Variants in THSD7B observed in about 807,000 individuals in gnomAD.
THSD7B encodes thrombospondin type 1 domain containing 7B, also known as thrombospondin type-1 domain-containing protein 7B.
In THSD7B, 138 loss-of-function variants were observed where a neutral mutation model predicts 213.6. The ratio of observed to expected loss-of-function variants is 0.65; its 90% CI spans 0.56 to 0.74. THSD7B has a LOEUF of 0.74. THSD7B is among the 30% of genes least tolerant of loss of function. The pLI is 0.00. For missense variants in THSD7B, 1,931 were observed against 1,991.5 expected (o/e 0.97, Z 0.58); for synonymous variants, 742 against 687.0 (o/e 1.08, Z -1.25).
chr2:137,213,513 T>C (rs1373986759), intron 7 of THSD7B, among the ~76,000 whole-genome samples: 1 of 148,966 alleles, frequency 6.7e-6, no homozygotes, highest in Non-Finnish European at 1.5e-5. Context: ...GCTATATATA[T>C]TCTATATAAT....
At chr2:137,199,559 A>T (rs951609640) in intron 7 of THSD7B, among the ~76,000 whole-genome samples, 2 of 152,186 alleles carry the variant, frequency 1.3e-5, no homozygotes, top group Admixed American at 1.3e-4. Flanking sequence ...TAAGGATCAG[A>T]TCTACTTGGT....
chr2:137,353,652 T>G (rs1438613855), intron 12 of THSD7B, among the ~76,000 whole-genome samples: 4 of 152,148 alleles, frequency 2.6e-5, no homozygotes, highest in Admixed American at 2.6e-4. Context: ...TGTTTTGCAG[T>G]GAGAATTCAC....
At chr2:137,588,443 T>A (rs576826636) in intron 17 of THSD7B, among the ~76,000 whole-genome samples, 2 of 151,934 alleles carry the variant, frequency 1.3e-5, no homozygotes, top group South Asian at 2.1e-4. Flanking sequence ...GGCTATTTGA[T>A]GTTTTAAAAT....
intron 12 of THSD7B, among the ~76,000 whole-genome samples, chr2:137,363,657 C>T (rs777744143): frequency 3.9e-5 from 6 of 152,118 alleles, no homozygotes; most frequent in Non-Finnish European, 8.8e-5. Flanking sequence ...ATAAATTCCT[C>T]AACACATACA....
intron 7 of THSD7B, among the ~76,000 whole-genome samples, chr2:137,209,576 A>C (rs1681056561): frequency 6.6e-6 from 1 of 152,064 alleles, no homozygotes; most frequent in African/African-American, 2.4e-5. Flanking sequence ...TCATTTGTTT[A>C]ACATTGAAAT....
intron 15 of THSD7B, among the ~76,000 whole-genome samples, chr2:137,530,272 T>C (rs555929998): frequency 6.6e-6 from 1 of 152,152 alleles, no homozygotes; most frequent in Non-Finnish European, 1.5e-5. Context: ...ATGAAACATA[T>C]GTTTCTTTTA....
chr2:137,554,918 G>A (rs918736971), intron 15 of THSD7B, among the ~76,000 whole-genome samples: 1 of 152,192 alleles, frequency 6.6e-6, no homozygotes, highest in Middle Eastern at 3.2e-3. Context: ...AGGCTCGGAG[G>A]GTCCCATGCT....
chr2:137,304,728 A>G lies in THSD7B; in HGVS notation c.2500+28702A>G, dbSNP rs189202657. Among the ~76,000 whole-genome samples, 325 of 152,122 alleles carry G rather than the reference A, an allele frequency of 2.1e-3. 3 individuals carry two copies. The highest frequency in any genetic ancestry group is 7.4e-3 in the African/African-American group (308 of 41,544). ...GCCTAGCTTGTTTCATCTAGGAGCCATGGCTCTCTTTAGGAATTTTTTCTT... is the reference window on the plus strand; with the variant it reads ...GCCTAGCTTGTTTCATCTAGGAGCCGTGGCTCTCTTTAGGAATTTTTTCTT... On this transcript the variant is annotated intron_variant, in intron 12 of 27. Transcript: ENST00000409968.
chr2:137,357,845 G>A (rs1009968919), intron 12 of THSD7B, among the ~76,000 whole-genome samples: 3 of 152,148 alleles, frequency 2.0e-5, no homozygotes, highest in Admixed American at 1.3e-4. Flanking sequence ...GAGCAGCAAT[G>A]ATCCTTTGTT....
At chr2:137,159,516 T>C (rs73960916) in intron 5 of THSD7B, among the ~76,000 whole-genome samples, 6,408 of 151,942 alleles carry the variant, frequency 0.042, 179 homozygotes, top group South Asian at 0.075. Flanking sequence ...GGACACATGG[T>C]GAACACTGTT....
intron 15 of THSD7B, among the ~76,000 whole-genome samples, chr2:137,542,135 A>C (rs1052986246): frequency 6.6e-6 from 1 of 151,716 alleles, no homozygotes; most frequent in Non-Finnish European, 1.5e-5. Context: ...ACTCAGAGCT[A>C]TTTTCACCTA....
chr2:137,028,276 A>G (rs1255196664), intron 2 of THSD7B, among the ~76,000 whole-genome samples: 1 of 152,218 alleles, frequency 6.6e-6, no homozygotes, highest in African/African-American at 2.4e-5. Context: ...TTGGTTAGAC[A>G]GTCATGCTGA....
At chr2:137,331,534 A>G (rs934280150) in intron 12 of THSD7B, among the ~76,000 whole-genome samples, 1 of 152,246 alleles carries the variant, frequency 6.6e-6, no homozygotes, top group Non-Finnish European at 1.5e-5. Context: ...TCAGGAGCCC[A>G]GCTGGCTTCA....
chr2:137,465,523 T>A (rs1687975381), intron 15 of THSD7B, among the ~76,000 whole-genome samples: 1 of 152,112 alleles, frequency 6.6e-6, no homozygotes, highest in Non-Finnish European at 1.5e-5. Flanking sequence ...TGAGAATTGC[T>A]GTCTAAGGCA....
intron 1 of THSD7B, among the ~76,000 whole-genome samples, chr2:136,773,600 C>A (rs1045567248): frequency 6.6e-6 from 1 of 151,962 alleles, no homozygotes; most frequent in African/African-American, 2.4e-5. Flanking sequence ...CTTTAAAACC[C>A]AGTCTGTATT....
At chr2:137,458,944 G>A (rs1343508785) in intron 15 of THSD7B, among the ~76,000 whole-genome samples, 2 of 149,102 alleles carry the variant, frequency 1.3e-5, no homozygotes, top group African/African-American at 2.5e-5. Context: ...TGCTCTGATA[G>A]GGCCTCTTTT....
chr2:137,215,351 A>G (rs541410387), intron 7 of THSD7B, among the ~76,000 whole-genome samples: 1 of 152,298 alleles, frequency 6.6e-6, no homozygotes, highest in African/African-American at 2.4e-5. Context: ...CCAGGATACA[A>G]GCATTTTAAC....
intron 1 of THSD7B, among the ~76,000 whole-genome samples, chr2:136,821,953 A>G (rs1450060479): frequency 1.3e-5 from 2 of 152,114 alleles, no homozygotes; most frequent in African/African-American, 4.8e-5. Context: ...GAACACAACA[A>G]ATTACATCAG....
chr2:137,339,885 T>C (rs1393797735), intron 12 of THSD7B, among the ~76,000 whole-genome samples: 1 of 151,782 alleles, frequency 6.6e-6, no homozygotes, highest in African/African-American at 2.4e-5. Flanking sequence ...CCTTTTTTTT[T>C]TTTTAAATCA....
Sources: allele counts gnomAD v4.1 joint callset (sites outside exome capture counted in the v4.1 genomes callset), GRCh38; gene constraint gnomAD v4.1.1; transcripts MANE v1.5; gene names NCBI Gene and HGNC (gene_info 2026-07-23, HGNC 2026-07-21).